The following ALKBH8 variants were observed in gnomAD, a reference collection of about 807,000 sequenced individuals.
ALKBH8 encodes tRNA (carboxymethyluridine(34)-5-O)-methyltransferase ALKBH8.
ALKBH8 carries 36 observed loss-of-function variants against 59.8 expected under a neutral mutation model. The ratio of observed to expected loss-of-function variants is 0.60; its 90% CI spans 0.46 to 0.79. ALKBH8 has a LOEUF of 0.79. ALKBH8 is among the 30% of genes least tolerant of loss of function. ALKBH8 has a pLI of 0.00. For missense variants in ALKBH8, 768 were observed against 801.0 expected (o/e 0.96, Z 0.50); for synonymous variants, 276 against 273.6 (o/e 1.01, Z -0.09).
At chr11:107,525,350 GA>G in intron 9 of ALKBH8, 90 bp downstream of exon 9, 1 of 1,210,650 alleles carries the variant, frequency 8.3e-7, no homozygotes, top group Non-Finnish European at 1.1e-6. Context: ...GAGAGATTCA[GA>G]AAAAGCTCTC....
chr11:107,550,892 A>C (rs1293071196), intron 6 of ALKBH8, among the ~76,000 whole-genome samples: 1 of 152,186 alleles, frequency 6.6e-6, no homozygotes, highest in Non-Finnish European at 1.5e-5. Flanking sequence ...CCAGGAACCC[A>C]ATCAACCAGC....
In ALKBH8 at chr11:107,532,382, C is replaced by G. The variant is rs749590489; in HGVS notation, c.796G>C (p.Asp266His). 1.9e-6 allele frequency: 3 copies of G among 1,613,492 alleles called. No individual in the cohort carries two copies. The highest frequency in any genetic ancestry group is 2.5e-6 in the Non-Finnish European group (3 of 1,179,588). ...SEIVMDFKHP[D>H]GIAVPVMLPR... ...AACATAACTGGCACTGCAATGCCAT[C>G]TGGGTGCTTAAAATCCATGACAATC... is the stretch of plus-strand genomic sequence containing the variant. The change falls in exon 8 of 12, where the codon GAT becomes CAT. Residue 266 changes from aspartate (D) to histidine (H), a missense_variant. Coordinates refer to ENST00000428149, the MANE Select transcript of ALKBH8 (RefSeq NM_138775.3).
At chr11:107,540,916 A>G (rs1444586116) in intron 7 of ALKBH8, among the ~76,000 whole-genome samples, 3 of 152,238 alleles carry the variant, frequency 2.0e-5, no homozygotes, top group Non-Finnish European at 4.4e-5. Flanking sequence ...CATCATAAAT[A>G]ATGTATTTTT....
intron 11 of ALKBH8, among the ~76,000 whole-genome samples, chr11:107,506,352 T>C (rs1286196475): frequency 6.6e-6 from 1 of 150,800 alleles, no homozygotes; most frequent in Non-Finnish European, 1.5e-5. Context: ...ATGCCCAGCA[T>C]ACAGTGAAAA....
chr11:107,533,124 A>G (rs1207481097), intron 7 of ALKBH8, among the ~76,000 whole-genome samples: 1 of 152,162 alleles, frequency 6.6e-6, no homozygotes, highest in East Asian at 1.9e-4. Flanking sequence ...TAATGACAAA[A>G]TATCCAAGAA....
At chr11:107,553,821 T>C in intron 4 of ALKBH8, 26 bp downstream of exon 4, 1 of 1,597,104 alleles carries the variant, frequency 6.3e-7, no homozygotes, top group Non-Finnish European at 8.5e-7. Context: ...AACTTTCAAA[T>C]ATCAGATTTT....
chr11:107,541,498 T>A (rs1864033029), intron 7 of ALKBH8, among the ~76,000 whole-genome samples: 1 of 152,244 alleles, frequency 6.6e-6, no homozygotes, highest in African/African-American at 2.4e-5. Flanking sequence ...GAATATTTAA[T>A]TGAATGATGA....
intron 2 of ALKBH8, among the ~76,000 whole-genome samples, chr11:107,559,955 T>C (rs556702264): frequency 6.6e-6 from 1 of 152,238 alleles, no homozygotes; most frequent in Non-Finnish European, 1.5e-5. Context: ...TTTCTACTTT[T>C]ATTCTATAAC....
rs1862330844 is a variant in ALKBH8, at chr11:107,505,202, G to A, written c.1451C>T (p.Ala484Val). The A allele has an allele frequency of 6.5e-7, 1 of 1,542,214 alleles. No individual in the cohort carries two copies. The highest frequency in any genetic ancestry group is 2.0e-5 in the Admixed American group (1 of 50,008). ...GAGTCGAACAATTTCTTGGAGAGCT[G>A]CCACTCTACGCTCCTAATGAAAAAA... is the stretch of plus-strand genomic sequence containing the variant. ...HHFATAERRV[A>V]ALQEIVRLLR... Residue 484 changes from alanine to valine, a missense_variant, in exon 12 of 12, where the codon GCA becomes GTA. Ala to Val is a moderately conservative substitution (Grantham distance 64). Transcript: ENST00000428149.
chr11:107,558,169 T>C (rs985041903), intron 2 of ALKBH8, among the ~76,000 whole-genome samples: 3 of 152,218 alleles, frequency 2.0e-5, no homozygotes, highest in Non-Finnish European at 2.9e-5. Context: ...TCAGTGATAG[T>C]ACATTGTGTA....
At chr11:107,561,781 G>C (rs1864948132) in intron 1 of ALKBH8, among the ~76,000 whole-genome samples, 1 of 152,152 alleles carries the variant, frequency 6.6e-6, no homozygotes. Context: ...CATAGTAGTT[G>C]CTCAATAAAT....
chr11:107,559,045 T>G (rs955840379), intron 2 of ALKBH8, among the ~76,000 whole-genome samples: 1 of 152,268 alleles, frequency 6.6e-6, no homozygotes, highest in South Asian at 2.1e-4. Context: ...TCCCCTATAA[T>G]GTTCTCGTGG....
In ALKBH8 at chr11:107,557,001, G is replaced by C. The variant is rs141912843; in HGVS notation, c.132C>G (p.Ser44Arg). 160 of 1,552,874 alleles carry C rather than the reference G, an allele frequency of 1.0e-4. No homozygotes were observed. The highest frequency in any genetic ancestry group is 1.3e-4 in the Non-Finnish European group (154 of 1,151,238). Residue 44 changes from serine (S) to arginine (R), a missense_variant and splice_region_variant, in exon 3 of 12, where the codon AGC (serine) becomes AGG (arginine). Physicochemically the swap from Ser to Arg is moderately radical, Grantham distance 110. Transcript: ENST00000428149. Reference sequence around the variant, plus strand: ...CCAAACCACCATTGGCAACAACCAGGCTCTTAAAAAACAAACAAACAAACA... The same window carrying C: ...CCAAACCACCATTGGCAACAACCAGCCTCTTAAAAAACAAACAAACAAACA... Reference protein sequence around the residue: ...GIETVSYATQSLVVANGGLGN... With the variant: ...GIETVSYATQRLVVANGGLGN...
intron 7 of ALKBH8, among the ~76,000 whole-genome samples, chr11:107,537,751 G>A (rs1279589591): frequency 1.3e-5 from 2 of 151,594 alleles, no homozygotes; most frequent in Non-Finnish European, 2.9e-5. Flanking sequence ...GATTCCATAT[G>A]AGTTACATGT....
chr11:107,543,714 A>G (rs2135552414), intron 7 of ALKBH8, among the ~76,000 whole-genome samples: 1 of 152,202 alleles, frequency 6.6e-6, no homozygotes, highest in South Asian at 2.1e-4. Flanking sequence ...AAAAGATAGC[A>G]TTTTTCTATA....
chr11:107,522,245 G>A, intron 10 of ALKBH8, 54 bp downstream of exon 10: 2 of 1,529,620 alleles, frequency 1.3e-6, no homozygotes, highest in African/African-American at 1.4e-5. Context: ...GAAGAAAGAT[G>A]ATGATAACCA....
At chr11:107,514,589 G>A (rs1006258152) in intron 10 of ALKBH8, among the ~76,000 whole-genome samples, 1 of 152,150 alleles carries the variant, frequency 6.6e-6, no homozygotes, top group African/African-American at 2.4e-5. Flanking sequence ...TAAGATACAT[G>A]CCTGGATTCT....
intron 10 of ALKBH8, among the ~76,000 whole-genome samples, chr11:107,515,120 A>G (rs1471832040): frequency 2.0e-5 from 3 of 152,114 alleles, no homozygotes; most frequent in Non-Finnish European, 4.4e-5. Flanking sequence ...CCTGTCTTCC[A>G]TATACTATAG....
intron 6 of ALKBH8, among the ~76,000 whole-genome samples, chr11:107,551,205 T>C (rs927690522): frequency 6.6e-6 from 1 of 152,140 alleles, no homozygotes; most frequent in Non-Finnish European, 1.5e-5. Context: ...TTCAGACCAA[T>C]GTCTTCCCTC....
Sources: allele counts gnomAD v4.1 joint callset (sites outside exome capture counted in the v4.1 genomes callset), GRCh38; gene constraint gnomAD v4.1.1; transcripts MANE v1.5; gene names NCBI Gene and HGNC (gene_info 2026-07-23, HGNC 2026-07-21).